ARHGAP25: variants seen among roughly 807,000 people sequenced by gnomAD.
The protein encoded by ARHGAP25 is rho GTPase-activating protein 25.
Under a neutral mutation model 71.0 loss-of-function variants are expected in ARHGAP25, and 34 were observed. The observed-to-expected ratio is 0.48, with a 90% CI of 0.36 to 0.64. The LOEUF is 0.64. ARHGAP25 is among the 30% of genes least tolerant of loss of function. The probability of loss-of-function intolerance (pLI) is 0.00; values close to 1 mark genes in which losing one functional copy is unlikely to be tolerated. For missense variants in ARHGAP25, 706 were observed against 805.1 expected (o/e 0.88, Z 1.49); for synonymous variants, 282 against 296.5 (o/e 0.95, Z 0.50).
At chr2:68,730,899 G>A (rs1399923844), upstream of ARHGAP25, among the ~76,000 whole-genome samples, 2 of 152,076 alleles carry the variant, frequency 1.3e-5, no homozygotes, top group African/African-American at 2.4e-5. Context: ...TGTCTCATGG[G>A]TCGCCTTTCC....
intron 1 of ARHGAP25, among the ~76,000 whole-genome samples, chr2:68,761,396 T>C (rs550971438): frequency 2.0e-5 from 3 of 152,140 alleles, no homozygotes; most frequent in African/African-American, 7.2e-5. Context: ...ATTAGACTTC[T>C]GAAAATTTAA....
intron 1 of ARHGAP25, chr2:68,774,758 C>G (rs1353439585): frequency 2.0e-6 from 2 of 1,023,034 alleles, no homozygotes; most frequent in African/African-American, 3.5e-5. Flanking sequence ...GGAAGAGTGC[C>G]CAGGCAGCTT....
intron 6 of ARHGAP25, among the ~76,000 whole-genome samples, chr2:68,814,961 T>G (rs1316845): frequency 2.0e-5 from 3 of 152,042 alleles, no homozygotes; most frequent in Non-Finnish European, 2.9e-5. Context: ...ATTGTGAAAG[T>G]AATAAAATTT....
intron 4 of ARHGAP25, among the ~76,000 whole-genome samples, chr2:68,792,415 C>T (rs916350822): frequency 2.0e-5 from 3 of 152,192 alleles, no homozygotes; most frequent in African/African-American, 7.2e-5. Flanking sequence ...CTTCCATCCC[C>T]TCATCCTTCT....
chr2:68,746,885 G>A (rs1048140583), intron 1 of ARHGAP25, among the ~76,000 whole-genome samples: 3 of 151,760 alleles, frequency 2.0e-5, no homozygotes, highest in African/African-American at 4.8e-5. Flanking sequence ...ACGCACGCCT[G>A]TAATCCCACC....
intron 6 of ARHGAP25, 64 bp downstream of exon 6, chr2:68,813,483 C>G: frequency 3.2e-6 from 5 of 1,559,152 alleles, no homozygotes; most frequent in Non-Finnish European, 4.3e-6. Context: ...GGACACTAAT[C>G]CAGTAGGCAA....
At position 68,767,791 on chromosome 2, in the gene ARHGAP25, C is replaced by T. The variant is rs188720686; in HGVS notation, c.62-7430C>T. Among the ~76,000 whole-genome samples the T allele has an allele frequency of 3.3e-5, 5 of 152,268 alleles. No individual in the cohort carries two copies. The highest frequency in any genetic ancestry group is 3.9e-4 in the East Asian group (2 of 5,186). ...TACCATTTCTCTGTCACTGTGTTTT[C>T]GAGGCCTGCTGAGCCTTGCAGAGCA... On this transcript the variant is annotated intron_variant, in intron 1 of 10. Coordinates refer to ENST00000409202, the MANE Select transcript of ARHGAP25 (RefSeq NM_001007231.3). This position sits in a 1 kb window ranked among gnomAD's most constrained non-coding sequence, Gnocchi z 4.6.
chr2:68,771,020 A>G (rs2104364376), intron 1 of ARHGAP25, among the ~76,000 whole-genome samples: 1 of 152,106 alleles, frequency 6.6e-6, no homozygotes, highest in Admixed American at 6.5e-5. Context: ...CACGAAACAC[A>G]CAGGCTTACT....
chr2:68,813,505 G>A, intron 6 of ARHGAP25, 86 bp downstream of exon 6: 1 of 1,477,044 alleles, frequency 6.8e-7, no homozygotes, highest in Non-Finnish European at 9.1e-7. Context: ...AGTGGGTCAA[G>A]GGGCCTGTAC....
chr2:68,733,728 C>T (rs1480991515), upstream of ARHGAP25, among the ~76,000 whole-genome samples: 2 of 152,060 alleles, frequency 1.3e-5, no homozygotes, highest in Non-Finnish European at 2.9e-5. Context: ...GAACCCAGGT[C>T]GTCAGTAAGA....
At chr2:68,779,434 T>G (rs1043487699) in intron 2 of ARHGAP25, among the ~76,000 whole-genome samples, 1 of 152,124 alleles carries the variant, frequency 6.6e-6, no homozygotes, top group Admixed American at 6.5e-5. Flanking sequence ...TAATAGAAAA[T>G]ATTTCATTGT....
chr2:68,765,376 C>G (rs1218391588), intron 1 of ARHGAP25, among the ~76,000 whole-genome samples: 1 of 150,790 alleles, frequency 6.6e-6, no homozygotes, highest in Non-Finnish European at 1.5e-5. Flanking sequence ...AAAAAAAACC[C>G]AACAAGCCTA....
chr2:68,794,073 C>T (rs562575615), intron 4 of ARHGAP25, among the ~76,000 whole-genome samples: 8 of 152,172 alleles, frequency 5.3e-5, no homozygotes, highest in East Asian at 1.9e-4. Context: ...TCAGCTAGAT[C>T]GTTACTGGTG....
chr2:68,799,059 A>C (rs2104425059), intron 4 of ARHGAP25, among the ~76,000 whole-genome samples: 1 of 152,344 alleles, frequency 6.6e-6, no homozygotes, highest in South Asian at 2.1e-4. Flanking sequence ...GCCATTGTCC[A>C]GGCAGAAAGG....
chr2:68,737,566 G>C (rs972898968), intron 1 of ARHGAP25, among the ~76,000 whole-genome samples: 2 of 152,166 alleles, frequency 1.3e-5, no homozygotes, highest in African/African-American at 4.8e-5. Context: ...AGTGTTCCTT[G>C]GGGATGGGGG....
At chr2:68,730,971 A>G (rs11899953), upstream of ARHGAP25, among the ~76,000 whole-genome samples, 10,864 of 152,182 alleles carry the variant, frequency 0.071, 430 homozygotes, top group Middle Eastern at 0.13. Context: ...TGCATGCACT[A>G]TTTTTGTATC....
At chr2:68,746,729 G>T (rs999300953) in intron 1 of ARHGAP25, among the ~76,000 whole-genome samples, 1 of 151,204 alleles carries the variant, frequency 6.6e-6, no homozygotes, top group African/African-American at 2.4e-5. Flanking sequence ...CCACAGGGCC[G>T]GGCGCGGTGG....
intron 1 of ARHGAP25, among the ~76,000 whole-genome samples, chr2:68,760,566 A>C (rs1452752617): frequency 1.3e-5 from 2 of 152,080 alleles, no homozygotes; most frequent in Non-Finnish European, 2.9e-5. Context: ...GAAAATTAAG[A>C]GAATAGTTTC....
intron 1 of ARHGAP25, among the ~76,000 whole-genome samples, chr2:68,758,433 A>G (rs1362290811): frequency 6.6e-6 from 1 of 152,010 alleles, no homozygotes; most frequent in Non-Finnish European, 1.5e-5. Context: ...TCATGTAAAT[A>G]GTAACCAAAA....
Sources: gnomAD v4.1 joint callset for allele counts (sites outside exome capture counted in the v4.1 genomes callset) on GRCh38, gnomAD v4.1.1 for gene constraint, Gnocchi (gnomAD v3.1) non-coding constraint, MANE v1.5 for transcripts, NCBI Gene and HGNC (gene_info 2026-07-23, HGNC 2026-07-21) for gene names.